The following ADK variants were observed in gnomAD, a reference collection of about 807,000 sequenced individuals.
ADK encodes adenosine kinase.
ADK carries 24 observed loss-of-function variants against 44.7 expected under a neutral mutation model. The observed-to-expected ratio is 0.54, with a 90% CI of 0.39 to 0.76. The LOEUF (loss-of-function observed/expected upper bound fraction) is 0.76, where lower values mean the gene tolerates loss of function less well. Among genes scored for constraint, ADK ranks in the 30% least tolerant of loss-of-function variants. The pLI is 0.00. For synonymous variants in ADK, 128 were observed against 142.6 expected, an observed-to-expected ratio of 0.90 and a Z score of 0.73; for missense variants, 321 against 425.1, an observed-to-expected ratio of 0.76 and a Z score of 2.15.
chr10:74,291,339 C>T (rs1847424381), intron 3 of ADK, among the ~76,000 whole-genome samples: 3 of 152,108 alleles, frequency 2.0e-5, no homozygotes, highest in Admixed American at 2.0e-4. Flanking sequence ...ATGGCGTGAA[C>T]CCAGGAGGTG....
At chr10:74,186,290 C>T (rs747553824) in intron 1 of ADK, among the ~76,000 whole-genome samples, 1 of 150,980 alleles carries the variant, frequency 6.6e-6, no homozygotes, top group East Asian at 1.9e-4. Flanking sequence ...TTCCCTTCTC[C>T]TTTCCTTTCC....
chr10:74,345,880 C>T (rs1475051673), intron 4 of ADK, among the ~76,000 whole-genome samples: 1 of 151,922 alleles, frequency 6.6e-6, no homozygotes, highest in Non-Finnish European at 1.5e-5. Context: ...TTTAAAATTT[C>T]TGGGTTTTTG....
chr10:74,269,895 G>A (rs1846360988), intron 3 of ADK, among the ~76,000 whole-genome samples: 1 of 152,156 alleles, frequency 6.6e-6, no homozygotes, highest in Non-Finnish European at 1.5e-5. Flanking sequence ...CTACTCGGGA[G>A]GCTGAGGCAG....
intron 6 of ADK, among the ~76,000 whole-genome samples, chr10:74,456,016 C>G (rs1845932003): frequency 6.6e-6 from 1 of 152,110 alleles, no homozygotes; most frequent in Non-Finnish European, 1.5e-5. Context: ...GCACCCAATA[C>G]AGGAGCACCC....
At chr10:74,364,621 A>C (rs1842439983) in intron 4 of ADK, among the ~76,000 whole-genome samples, 1 of 150,818 alleles carries the variant, frequency 6.6e-6, no homozygotes, top group Admixed American at 6.6e-5. Flanking sequence ...CACAGCTGGC[A>C]ATTCCTACTC....
intron 6 of ADK, among the ~76,000 whole-genome samples, chr10:74,403,483 G>T (rs1843789354): frequency 6.6e-6 from 1 of 152,092 alleles, no homozygotes; most frequent in South Asian, 2.1e-4. Flanking sequence ...CCCTGCAGTT[G>T]ATCTGATAGC....
chr10:74,317,844 C>T (rs370714782), intron 4 of ADK, among the ~76,000 whole-genome samples: 11 of 152,038 alleles, frequency 7.2e-5, no homozygotes, highest in African/African-American at 1.4e-4. Flanking sequence ...TGCAGTGGCG[C>T]GATCTCTGCT....
At chr10:74,270,501 C>T (rs924813658) in intron 3 of ADK, among the ~76,000 whole-genome samples, 1 of 152,178 alleles carries the variant, frequency 6.6e-6, no homozygotes, top group African/African-American at 2.4e-5. Context: ...GGTCTCAAGC[C>T]ATTGTTCCAC....
intron 4 of ADK, among the ~76,000 whole-genome samples, chr10:74,357,309 G>A (rs1842178139): frequency 6.6e-6 from 1 of 152,006 alleles, no homozygotes; most frequent in South Asian, 2.1e-4. Context: ...GTGTGGTGGT[G>A]GTGATTATGG....
chr10:74,184,184 C>G (rs993982950), intron 1 of ADK, among the ~76,000 whole-genome samples: 7 of 152,312 alleles, frequency 4.6e-5, no homozygotes, highest in African/African-American at 1.7e-4. Flanking sequence ...TCCCAAAATG[C>G]TGGGACTACA....
At chr10:74,271,585 C>T (rs374721563) in intron 3 of ADK, among the ~76,000 whole-genome samples, 1 of 48,966 alleles carries the variant, frequency 2.0e-5, no homozygotes, top group Non-Finnish European at 3.8e-5. Flanking sequence ...ACAACAGTCC[C>T]CAGAGTGTGA....
intron 9 of ADK, among the ~76,000 whole-genome samples, chr10:74,646,874 C>G (rs1326846420): frequency 6.6e-6 from 1 of 152,084 alleles, no homozygotes; most frequent in Non-Finnish European, 1.5e-5. Flanking sequence ...CAAGAGCTGG[C>G]TAGTCTGAAA....
In ADK at chr10:74,192,215, T is replaced by C. The variant is rs191402104; in HGVS notation, c.66-8549T>C. On this transcript the variant is annotated intron_variant, in intron 1 of 10. Transcript: ENST00000539909. ...TGTTTCCAGATTTTTACCATTTTTT[T>C]TTCTTTTTCTTTCTTTTATTTGTTT... Among the ~76,000 whole-genome samples, 11 of 152,180 alleles carry C rather than the reference T, an allele frequency of 7.2e-5. 1 individual carries two copies. Among genetic ancestry groups the C allele is most frequent in the Admixed American group, 6.5e-4 (10 of 15,278 alleles).
At chr10:74,464,099 T>C (rs2133257909) in intron 6 of ADK, among the ~76,000 whole-genome samples, 1 of 152,274 alleles carries the variant, frequency 6.6e-6, no homozygotes, top group African/African-American at 2.4e-5. Context: ...GTATAGTCTT[T>C]TTACAAATAA....
intron 7 of ADK, among the ~76,000 whole-genome samples, chr10:74,531,074 T>C (rs967990935): frequency 2.6e-5 from 4 of 152,166 alleles, no homozygotes; most frequent in African/African-American, 9.7e-5. Flanking sequence ...CACAGGACAT[T>C]TGCAGAATCC....
chr10:74,648,774 G>C (rs528605992), intron 9 of ADK, among the ~76,000 whole-genome samples: 1 of 152,262 alleles, frequency 6.6e-6, no homozygotes, highest in South Asian at 2.1e-4. Flanking sequence ...GAGGGAAACA[G>C]AGCTGTATAA....
intron 9 of ADK, among the ~76,000 whole-genome samples, chr10:74,628,613 A>G (rs556910527): frequency 6.6e-6 from 1 of 152,082 alleles, no homozygotes; most frequent in Non-Finnish European, 1.5e-5. Context: ...TTGGAGCACT[A>G]ATCTAACTCC....
chr10:74,652,193 C>T (rs1290800307), intron 9 of ADK, among the ~76,000 whole-genome samples: 1 of 151,678 alleles, frequency 6.6e-6, no homozygotes, highest in Non-Finnish European at 1.5e-5. Context: ...AGGTGCCCAC[C>T]ACCACGCCCA....
At chr10:74,549,760 T>TG (rs758667975) in intron 7 of ADK, among the ~76,000 whole-genome samples, 2 of 152,188 alleles carry the variant, frequency 1.3e-5, no homozygotes, top group Non-Finnish European at 2.9e-5. Context: ...TTTAGTGAGC[T>TG]GGGGGTATTT....
Sources: allele counts gnomAD v4.1 joint callset (sites outside exome capture counted in the v4.1 genomes callset), GRCh38; gene constraint gnomAD v4.1.1; transcripts MANE v1.5; gene names NCBI Gene and HGNC (gene_info 2026-07-23, HGNC 2026-07-21).